The following SMARCA1 variants were observed in gnomAD, a reference collection of about 807,000 sequenced individuals.
SMARCA1 encodes SNF2 related chromatin remodeling ATPase 1, also known as SWI/SNF-related matrix-associated actin-dependent regulator of chromatin subfamily A member 1.
In SMARCA1, 17 loss-of-function variants were observed where a neutral mutation model predicts 93.6. The ratio of observed to expected loss-of-function variants is 0.18; its 90% confidence interval spans 0.12 to 0.27. The LOEUF (loss-of-function observed/expected upper bound fraction) is 0.27. SMARCA1 is among the 10% of genes least tolerant of loss of function. SMARCA1 has a pLI of 1.00. For synonymous variants in SMARCA1, 271 were observed against 271.4 expected (o/e 1.00, Z 0.01); for missense variants, 630 against 819.0 (o/e 0.77, Z 2.82).
intron 23 of SMARCA1, among the ~76,000 whole-genome samples, chrX:129,455,971 C>T (rs1326172764): frequency 3.6e-5 from 4 of 111,911 alleles, no homozygotes; most frequent in Non-Finnish European, 7.5e-5. Flanking sequence ...CACTAACCAA[C>T]GAATTTTCAA....
intron 17 of SMARCA1, among the ~76,000 whole-genome samples, chrX:129,483,014 A>G (rs986549154): frequency 8.9e-6 from 1 of 112,304 alleles, no homozygotes; most frequent in African/African-American, 3.2e-5. Flanking sequence ...AGACAGACAC[A>G]ACGGTGACAT....
intron 1 of SMARCA1, among the ~76,000 whole-genome samples, chrX:129,519,586 C>T (rs941927916): frequency 2.7e-5 from 3 of 111,530 alleles, no homozygotes; most frequent in African/African-American, 9.8e-5. Flanking sequence ...CAGACTCTTA[C>T]TTTGTAGCAC....
intron 23 of SMARCA1, among the ~76,000 whole-genome samples, chrX:129,456,773 A>T (rs760505930): frequency 8.9e-6 from 1 of 112,069 alleles, no homozygotes; most frequent in Non-Finnish European, 1.9e-5. Context: ...CAATTTCATG[A>T]TAAAACTTGA....
intron 23 of SMARCA1, among the ~76,000 whole-genome samples, chrX:129,460,597 G>C (rs747273638): frequency 1.8e-5 from 2 of 110,543 alleles, no homozygotes; most frequent in African/African-American, 6.6e-5. Flanking sequence ...GTTGCAGTGA[G>C]CCAAGAAAAA....
At chrX:129,448,487 T>C (rs1932115580) in intron 23 of SMARCA1, 44 bp from the exon 24 acceptor site, 3 of 1,092,623 alleles carry the variant, frequency 2.7e-6, no homozygotes, top group Non-Finnish European at 3.7e-6. Context: ...AACCCAATCA[T>C]TATCTTTAAA....
At position 129,516,443 on chromosome X, in the gene SMARCA1, C is replaced by T; in HGVS notation, c.316G>A (p.Ala106Thr). ...TGTGCTGAAGGCTGAATGAAATGTGCAAAAAGTTCTGTCTGCTTCAGTAAA... is the reference window on the plus strand; with the variant it reads ...TGTGCTGAAGGCTGAATGAAATGTGTAAAAAGTTCTGTCTGCTTCAGTAAA... ...EFLLKQTELF[A>T]HFIQPSAQKS... Residue 106 changes from alanine to threonine, a missense_variant, in exon 3 of 25, where the codon GCA becomes ACA. Coordinates refer to ENST00000371121, the MANE Select transcript of SMARCA1 (RefSeq NM_001282874.2). The T allele has an allele frequency of 8.3e-7, 1 of 1,209,128 alleles. No homozygotes were observed. Among genetic ancestry groups the T allele is most frequent in the Non-Finnish European group, 1.1e-6 (1 of 893,984 alleles).
At chrX:129,495,274 G>T (rs1934277142) in intron 12 of SMARCA1, among the ~76,000 whole-genome samples, 1 of 112,641 alleles carries the variant, frequency 8.9e-6, no homozygotes, top group Non-Finnish European at 1.9e-5. Context: ...TTTCTTAAAC[G>T]TATGTATGGC....
chrX:129,506,248 AT>A, intron 7 of SMARCA1, 37 bp from the exon 8 acceptor site: 1 of 1,003,991 alleles, frequency 1.0e-6, no homozygotes. Context: ...TATTTTACTT[AT>A]TAGAATGCTC....
intron 15 of SMARCA1, among the ~76,000 whole-genome samples, chrX:129,489,621 G>A (rs1172400453): frequency 1.8e-5 from 2 of 112,271 alleles, no homozygotes; most frequent in Non-Finnish European, 3.8e-5. Context: ...GCAGTGGCGC[G>A]ATCTCGGCTC....
At chrX:129,514,934 C>T (rs919411228) in intron 5 of SMARCA1, among the ~76,000 whole-genome samples, 2 of 111,190 alleles carry the variant, frequency 1.8e-5, no homozygotes, top group East Asian at 5.6e-4. Flanking sequence ...CCTGTAACCC[C>T]AGCTATTCAG....
chrX:129,473,899 A>G (rs1933256278), intron 19 of SMARCA1, among the ~76,000 whole-genome samples: 1 of 111,673 alleles, frequency 9.0e-6, no homozygotes. Flanking sequence ...TGCACTTGTG[A>G]AAAAACATTG....
At chrX:129,482,150 G>C (rs1445449813) in intron 17 of SMARCA1, among the ~76,000 whole-genome samples, 1 of 80,518 alleles carries the variant, frequency 1.2e-5, no homozygotes, top group African/African-American at 4.7e-5. Flanking sequence ...ATGGACACAG[G>C]AAGGGGAATA....
chrX:129,457,227 A>T (rs1169281418), intron 23 of SMARCA1, among the ~76,000 whole-genome samples: 2 of 112,567 alleles, frequency 1.8e-5, no homozygotes, highest in Non-Finnish European at 3.7e-5. Flanking sequence ...TTTTTTAATT[A>T]AAGTAAGTAC....
chrX:129,507,826 A>G (rs6637611), intron 7 of SMARCA1, 115 bp downstream of exon 7: 5,124 of 481,018 alleles, frequency 0.011, 102 homozygotes, highest in East Asian at 0.094. Flanking sequence ...TGCTGGGATT[A>G]CAGGCGTGAG....
At chrX:129,465,793 C>A in intron 22 of SMARCA1, 51 bp downstream of exon 22, 1 of 1,056,337 alleles carries the variant, frequency 9.5e-7, no homozygotes, top group Admixed American at 2.8e-5. Context: ...CAAAGCTGAC[C>A]ACTATTTCAA....
At chrX:129,461,375 A>C (rs112752120) in intron 23 of SMARCA1, among the ~76,000 whole-genome samples, 3,249 of 112,020 alleles carry the variant, frequency 0.029, 115 homozygotes, top group African/African-American at 0.1. Context: ...AGTACTTAGA[A>C]GGACCTAAGA....
rs1932098927 is a variant in SMARCA1 at position 129,448,191 on chromosome X, C to T, written c.3141+142G>A. ...GAAACATGGTTGTGAAGCAATTCTT[C>T]TTCTGTCCAAAACAAATTAGCATTT... On this transcript the variant is annotated intron_variant, in intron 24 of 24. Transcript: ENST00000371121. 3 of 572,940 alleles carry T rather than the reference C, an allele frequency of 5.2e-6. No homozygotes were observed. The African/African-American group carries it at 6.9e-5, about 13-fold the overall frequency. The allele number at this position is 572,940 out of a possible 1,213,427, so 47.2% of individuals were successfully genotyped here.
At chrX:129,451,657 C>A (rs1303493550) in intron 23 of SMARCA1, among the ~76,000 whole-genome samples, 20 of 109,899 alleles carry the variant, frequency 1.8e-4, no homozygotes, top group Admixed American at 1.7e-3. Context: ...TGTTACCTTC[C>A]TATCACACAG....
intron 16 of SMARCA1, among the ~76,000 whole-genome samples, chrX:129,488,302 A>G (rs1344534846): frequency 9.2e-6 from 1 of 108,859 alleles, no homozygotes; most frequent in African/African-American, 3.3e-5. Context: ...AAAAAAAAAA[A>G]AAAAGATTAT....
Sources: allele counts gnomAD v4.1 joint callset (sites outside exome capture counted in the v4.1 genomes callset), GRCh38; gene constraint gnomAD v4.1.1; transcripts MANE v1.5; gene names NCBI Gene and HGNC (gene_info 2026-07-23, HGNC 2026-07-21).